The following NYAP1 variants were observed in gnomAD, a reference collection of about 807,000 sequenced individuals.
NYAP1 encodes the protein neuronal tyrosine phosphorylated phosphoinositide-3-kinase adaptor 1, also known as neuronal tyrosine-phosphorylated phosphoinositide-3-kinase adapter 1.
Under a neutral mutation model 58.6 loss-of-function variants are expected in NYAP1, and 20 were observed. That is an observed-to-expected ratio of 0.34 (90% confidence interval 0.24 to 0.50). The LOEUF is 0.50. Ranked by LOEUF, NYAP1 falls within the 20% of genes least tolerant of loss-of-function variation. The pLI is 0.98. For synonymous variants in NYAP1, 572 were observed against 523.1 expected (o/e 1.09, Z -1.27); for missense variants, 1,150 against 1,194.5 (o/e 0.96, Z 0.55).
At position 100,490,555 on chromosome 7, in the gene NYAP1, G is replaced by C; in HGVS notation, c.1984G>C (p.Glu662Gln). The C allele has an allele frequency of 6.3e-7, 1 of 1,588,282 alleles. No homozygotes were observed. The highest frequency in any genetic ancestry group is 8.6e-7 in the Non-Finnish European group (1 of 1,167,726). Residue 662 changes from glutamate (E) to glutamine (Q), a missense_variant, in exon 5 of 7, where the codon GAG becomes CAG. Transcript: ENST00000300179. This position sits in a 1 kb window ranked among gnomAD's most constrained non-coding sequence, Gnocchi z 4.6. Reference sequence around the variant, plus strand: ...TGCCCGGGCCTGGAATGGCAGTGCCGAGGGTCCAGGCAAGGTGGAGCGTGA... The same window carrying C: ...TGCCCGGGCCTGGAATGGCAGTGCCCAGGGTCCAGGCAAGGTGGAGCGTGA... ...DGARAWNGSA[E>Q]GPGKVEREDR...
intron 4 of NYAP1, 112 bp downstream of exon 4, chr7:100,489,778 A>G: frequency 5.6e-6 from 4 of 708,762 alleles, no homozygotes; most frequent in East Asian, 3.4e-5. Flanking sequence ...CACAGCCTTG[A>G]GTCTGGGATG....
In NYAP1 at chr7:100,489,048, C is replaced by A. The variant is rs764160440; in HGVS notation, c.1327C>A (p.Pro443Thr). The change falls in exon 4 of 7, where the codon CCT (proline) becomes ACT (threonine). Residue 443 changes from proline (P) to threonine (T), a missense_variant. Transcript: ENST00000300179. ...GGCGGCGGGGGCGCCGGCAGCCCCC[C>A]CTGCCCCGGCCGCCTTGCTCCCCGG... ...PKAAGAPAAP[P>T]APAALLPGPP... 9.7e-6 allele frequency: 15 copies of A among 1,542,626 alleles called. No individual in the cohort carries two copies. The East Asian group carries it at 1.7e-4, about 17-fold the overall frequency.
chr7:100,493,109 G>A (rs1476811512), intron 6 of NYAP1, among the ~76,000 whole-genome samples: 1 of 152,206 alleles, frequency 6.6e-6, no homozygotes, highest in African/African-American at 2.4e-5. Context: ...GGGAGGCCAA[G>A]ATGAGAGGAT....
chr7:100,486,947 C>G lies in NYAP1; in HGVS notation c.195C>G (p.Ala65=). The change falls in exon 3 of 7, where the codon GCC becomes GCG. Residue 65 remains alanine, a synonymous_variant. Transcript: ENST00000300179. The surrounding 1 kb of genome is among the most constrained non-coding windows in gnomAD (Gnocchi z 6.2). ...GGATGGGTTTCATGACGATGCCCGC[C>G]TCCCAGGAGCACACCCCGCACCCCT... ...SLRMGFMTMP[A]SQEHTPHPCR... The G allele has an allele frequency of 1.2e-6, 2 of 1,605,036 alleles. No homozygotes were observed. Among genetic ancestry groups the G allele is most frequent in the South Asian group, 2.2e-5 (2 of 90,272 alleles).
Position 100,486,301 on chromosome 7 carries a change from G to A in NYAP1, c.69-520G>A, listed in dbSNP as rs142487359. Among the ~76,000 whole-genome samples, 1,762 of 152,212 alleles carry A rather than the reference G, an allele frequency of 0.012. 14 individuals carry two copies. Among genetic ancestry groups the A allele is most frequent in the Non-Finnish European group, 0.017 (1,180 of 67,992 alleles). ...AGAGAGAACAGCACCAGGGGAGAGG[G>A]AGGAAGAAGGATGGGCCAGGGAGGG... On this transcript the variant is annotated intron_variant, in intron 2 of 6. Coordinates refer to ENST00000300179, the MANE Select transcript of NYAP1 (RefSeq NM_173564.4). The surrounding 1 kb of genome is among the most constrained non-coding windows in gnomAD (Gnocchi z 6.2).
chr7:100,489,626 G>T lies in NYAP1; in HGVS notation c.1905G>T (p.Arg635Ser). The change falls in exon 4 of 7, where the codon AGG becomes AGT. Residue 635 changes from arginine to serine, a missense_variant. Physicochemically the swap from Arg to Ser is moderately radical, Grantham distance 110. Transcript: ENST00000300179. ...ATFGAGWALQ[R>S]KVLYGGRKAK... ...TTGGGGCAGGCTGGGCCCTGCAGAG[G>T]AAGGTCCTCTATGGAGGGAGAAAAG... 7.0e-7 allele frequency: 1 copy of T among 1,424,736 alleles called. No homozygotes were observed. Among genetic ancestry groups the T allele is most frequent in the Non-Finnish European group, 9.4e-7 (1 of 1,060,772 alleles). 88.3% of individuals were successfully genotyped at this position (1,424,736 alleles called of 1,614,324 possible). A position where few individuals can be genotyped will look rare whatever the true frequency, so the allele number is the denominator to read the frequency against.
Position 100,489,092 on chromosome 7 carries a change from C to T in NYAP1, c.1371C>T (p.Ala457=), listed in dbSNP as rs771718933. ...ALLPGPPKDK[A]VSYTMVYSAV... is the part of the protein sequence containing the mutation. ...TCCCCGGCCCCCCCAAGGACAAGGC[C>T]GTGTCTTACACCATGGTGTACTCGG... The change falls in exon 4 of 7, where the codon GCC becomes GCT. Residue 457 remains alanine, a synonymous_variant. Coordinates refer to ENST00000300179, the MANE Select transcript of NYAP1 (RefSeq NM_173564.4). 2.1e-5 allele frequency: 33 copies of T among 1,566,304 alleles called. No individual in the cohort carries two copies. The highest frequency in any genetic ancestry group is 2.5e-5 in the Non-Finnish European group (29 of 1,156,484).
rs1799717214 is a variant in NYAP1 at position 100,487,234 on chromosome 7, TA to T, written c.430+53del. On this transcript the variant is annotated intron_variant, in intron 3 of 6. Transcript: ENST00000300179. This position sits in a 1 kb window ranked among gnomAD's most constrained non-coding sequence, Gnocchi z 4.1. ...GGTGGAGCTGGGAGCTGGGAGGATCTATTCCACGCCCGGGGAGGCTTGCCGG... is the reference window on the plus strand; with the variant it reads ...GGTGGAGCTGGGAGCTGGGAGGATCTTTCCACGCCCGGGGAGGCTTGCCGG... 8 of 1,454,604 alleles carry T rather than the reference TA, an allele frequency of 5.5e-6. No individual in the cohort carries two copies. In the Admixed American group the frequency reaches 1.1e-4, roughly 19 times the overall value. The allele number at this position is 1,454,604 out of a possible 1,614,324, so 90.1% of individuals were successfully genotyped here. A position where few individuals can be genotyped will look rare whatever the true frequency, so the allele number is the denominator to read the frequency against.
In NYAP1 at chr7:100,489,453, G is replaced by A. The variant is rs766850056; in HGVS notation, c.1732G>A (p.Gly578Ser). Residue 578 changes from glycine to serine, a missense_variant, in exon 4 of 7, where the codon GGT (glycine) becomes AGT (serine). Coordinates refer to ENST00000300179, the MANE Select transcript of NYAP1 (RefSeq NM_173564.4). The part of the protein sequence containing the change: ...KAGGVLNKGC[G>S]VGAPSPMVKI... ...TGGGGGGGTGCTGAATAAGGGCTGT[G>A]GTGTGGGGGCCCCATCCCCCATGGT... is the stretch of plus-strand genomic sequence containing the variant. 2 of 1,612,986 alleles carry A rather than the reference G, an allele frequency of 1.2e-6. No individual in the cohort carries two copies. The highest frequency in any genetic ancestry group is 1.7e-6 in the Non-Finnish European group (2 of 1,179,844).
chr7:100,487,232 T>G lies in NYAP1; in HGVS notation c.430+50T>G. The G allele has an allele frequency of 6.9e-7, 1 of 1,458,118 alleles. No individual in the cohort carries two copies. The highest frequency in any genetic ancestry group is 9.1e-7 in the Non-Finnish European group (1 of 1,104,526). The allele number at this position is 1,458,118 out of a possible 1,614,324, so 90.3% of individuals were successfully genotyped here. A position where few individuals can be genotyped will look rare whatever the true frequency, so the allele number is the denominator to read the frequency against. On this transcript the variant is annotated intron_variant, in intron 3 of 6. Transcript: ENST00000300179. This position sits in a 1 kb window ranked among gnomAD's most constrained non-coding sequence, Gnocchi z 4.1. ...GGGGTGGAGCTGGGAGCTGGGAGGA[T>G]CTATTCCACGCCCGGGGAGGCTTGC...
chr7:100,490,872 T>G lies in NYAP1; in HGVS notation c.2159-114T>G. On this transcript the variant is annotated intron_variant, in intron 5 of 6. Transcript: ENST00000300179. The surrounding 1 kb of genome is among the most constrained non-coding windows in gnomAD (Gnocchi z 4.6). Reference sequence around the variant, plus strand: ...TCCTCATACCACATCTCCACCCCTTTTTCCCTTCTGATGAGGCAGGGGCAG... The same window carrying G: ...TCCTCATACCACATCTCCACCCCTTGTTCCCTTCTGATGAGGCAGGGGCAG... 1 of 1,073,230 alleles carries G rather than the reference T, an allele frequency of 9.3e-7. No individual in the cohort carries two copies. The highest frequency in any genetic ancestry group is 1.3e-6 in the Non-Finnish European group (1 of 750,148). 66.5% of individuals were successfully genotyped at this position (1,073,230 alleles called of 1,614,324 possible).
rs946429181 is a variant in NYAP1 at position 100,490,412 on chromosome 7, G to A, written c.1946-105G>A. ...CATCCCAGCCGTTACTTGCAAAAGG[G>A]GCAATTGTGTCTCCTGGTCCACCCA... On this transcript the variant is annotated intron_variant, in intron 4 of 6. Coordinates refer to ENST00000300179, the MANE Select transcript of NYAP1 (RefSeq NM_173564.4). This position sits in a 1 kb window ranked among gnomAD's most constrained non-coding sequence, Gnocchi z 4.6. 1 of 1,070,778 alleles carries A rather than the reference G, an allele frequency of 9.3e-7. No homozygotes were observed. Among genetic ancestry groups the A allele is most frequent in the Non-Finnish European group, 1.4e-6 (1 of 713,302 alleles). 66.3% of individuals were successfully genotyped at this position (1,070,778 alleles called of 1,614,324 possible). A position where few individuals can be genotyped will look rare whatever the true frequency, so the allele number is the denominator to read the frequency against.
At chr7:100,493,107 A>T (rs1172203843) in intron 6 of NYAP1, among the ~76,000 whole-genome samples, 1 of 152,198 alleles carries the variant, frequency 6.6e-6, no homozygotes, top group Non-Finnish European at 1.5e-5. Context: ...TTGGGAGGCC[A>T]AGATGAGAGG....
At position 100,488,341 on chromosome 7, in the gene NYAP1, A is replaced by C; in HGVS notation, c.620A>C (p.Asp207Ala). 5 of 1,606,604 alleles carry C rather than the reference A, an allele frequency of 3.1e-6. No homozygotes were observed. The highest frequency in any genetic ancestry group is 4.2e-6 in the Non-Finnish European group (5 of 1,177,648). ...GGGTCCCGAGTAGCTGGGGACCCTG[A>C]TGTGGGTGCCCAGGAAGAGCCTGTG... ...TRGSRVAGDP[D>A]VGAQEEPVYI... Residue 207 changes from aspartate to alanine, a missense_variant, in exon 4 of 7, where the codon GAT (aspartate) becomes GCT (alanine). Coordinates refer to ENST00000300179, the MANE Select transcript of NYAP1 (RefSeq NM_173564.4). This position sits in a 1 kb window ranked among gnomAD's most constrained non-coding sequence, Gnocchi z 5.9.
rs746070291 is a variant in NYAP1, at chr7:100,488,854, G to A, written c.1133G>A (p.Arg378Gln). ...GSTPAPQVPA[R>Q]ERETPPPPPP... Reference sequence around the variant, plus strand: ...ACCCCAGCTCCCCAAGTGCCTGCACGGGAGCGGGAGACGCCTCCCCCACCG... The same window carrying A: ...ACCCCAGCTCCCCAAGTGCCTGCACAGGAGCGGGAGACGCCTCCCCCACCG... Residue 378 changes from arginine (R) to glutamine (Q), a missense_variant, in exon 4 of 7, where the codon CGG becomes CAG. Physicochemically the swap from Arg to Gln is conservative, Grantham distance 43 (BLOSUM62 1). Coordinates refer to ENST00000300179, the MANE Select transcript of NYAP1 (RefSeq NM_173564.4). The surrounding 1 kb of genome is among the most constrained non-coding windows in gnomAD (Gnocchi z 5.9). 50 of 1,598,216 alleles carry A rather than the reference G, an allele frequency of 3.1e-5. No individual in the cohort carries two copies. The highest frequency in any genetic ancestry group is 7.0e-5 in the Admixed American group (4 of 56,892).
rs745378079 is a variant in NYAP1, at chr7:100,488,679, C to A, written c.958C>A (p.Pro320Thr). The A allele has an allele frequency of 2.4e-5, 39 of 1,611,746 alleles. No individual in the cohort carries two copies. The highest frequency in any genetic ancestry group is 2.5e-5 in the Non-Finnish European group (30 of 1,179,518). The change falls in exon 4 of 7, where the codon CCT becomes ACT. Residue 320 changes from proline (P) to threonine (T), a missense_variant. By Grantham distance (38) the Pro-to-Thr change is conservative (BLOSUM62 -1). Transcript: ENST00000300179. The surrounding 1 kb of genome is among the most constrained non-coding windows in gnomAD (Gnocchi z 5.9). ...RRDGTPTKTTPCEIPPPFPNL... is the reference protein window; with the variant it reads ...RRDGTPTKTTTCEIPPPFPNL... ...GGACGGGACGCCCACCAAGACCACT[C>A]CTTGTGAAATCCCCCCGCCCTTCCC... is the stretch of plus-strand genomic sequence containing the variant.
At position 100,489,137 on chromosome 7, in the gene NYAP1, C is replaced by T. The variant is rs767835254; in HGVS notation, c.1416C>T (p.His472=). The change falls in exon 4 of 7, where the codon CAC becomes CAT. Residue 472 remains histidine (H), a synonymous_variant. Transcript: ENST00000300179. The part of the protein sequence containing the change: ...MVYSAVKVTT[H]SVLPAGPPLG... ...ACTCGGCGGTCAAGGTGACCACGCA[C>T]TCTGTCCTGCCAGCTGGTCCACCCC... 5.0e-6 allele frequency: 8 copies of T among 1,606,396 alleles called. No homozygotes were observed. Among genetic ancestry groups the T allele is most frequent in the African/African-American group, 4.0e-5 (3 of 74,846 alleles).
In NYAP1 at chr7:100,486,043, C is replaced by T. The variant is rs955286355; in HGVS notation, c.68+664C>T. 1.3e-5 allele frequency among the ~76,000 whole-genome samples: 2 copies of T among 152,208 alleles called. No individual in the cohort carries two copies. The highest frequency in any genetic ancestry group is 2.9e-5 in the Non-Finnish European group (2 of 68,036). ...CTGACTCACAGCCACCTCCCTTTTC[C>T]TTCCTCGCAACTGTGGAGTTTAATT... On this transcript the variant is annotated intron_variant, in intron 2 of 6. Transcript: ENST00000300179. The surrounding 1 kb of genome is among the most constrained non-coding windows in gnomAD (Gnocchi z 6.2).
chr7:100,490,712 C>T lies in NYAP1; in HGVS notation c.2141C>T (p.Ala714Val). The T allele has an allele frequency of 1.3e-6, 2 of 1,516,170 alleles. No homozygotes were observed. The highest frequency in any genetic ancestry group is 1.8e-6 in the Non-Finnish European group (2 of 1,128,528). 93.9% of individuals were successfully genotyped at this position (1,516,170 alleles called of 1,614,324 possible). A position where few individuals can be genotyped will look rare whatever the true frequency, so the allele number is the denominator to read the frequency against. ...CCCATTCCCTGCCAGACCTTCCCCG[C>T]CTGCCACCGCAATGGAGGTGACGCG... ...ALPIPCQTFP[A>V]CHRNGDFTGG... Residue 714 changes from alanine (A) to valine (V), a missense_variant, in exon 5 of 7, where the codon GCC becomes GTC. Physicochemically the swap from Ala to Val is moderately conservative, Grantham distance 64. Coordinates refer to ENST00000300179, the MANE Select transcript of NYAP1 (RefSeq NM_173564.4). The surrounding 1 kb of genome is among the most constrained non-coding windows in gnomAD (Gnocchi z 4.6).
Sources: allele counts gnomAD v4.1 joint callset (sites outside exome capture counted in the v4.1 genomes callset), GRCh38; gene constraint gnomAD v4.1.1; non-coding constraint Gnocchi (gnomAD v3.1); transcripts MANE v1.5; gene names NCBI Gene and HGNC (gene_info 2026-07-23, HGNC 2026-07-21).